Variants in MTRF1 observed in about 807,000 individuals in gnomAD.
MTRF1 encodes peptide chain release factor 1, mitochondrial.
MTRF1 carries 51 observed loss-of-function variants against 62.9 expected under a neutral mutation model. The ratio of observed to expected loss-of-function variants is 0.81; its 90% confidence interval spans 0.65 to 1.02. The LOEUF (loss-of-function observed/expected upper bound fraction) is 1.02, where lower values mean the gene tolerates loss of function less well. Among genes scored for constraint, MTRF1 ranks in the 50% least tolerant of loss-of-function variants. The pLI is 0.00. For missense variants in MTRF1, 446 were observed against 530.0 expected, an observed-to-expected ratio of 0.84 and a Z score of 1.56; for synonymous variants, 158 against 181.9, an observed-to-expected ratio of 0.87 and a Z score of 1.06.
At chr13:41,250,812 T>C (rs572774930) in intron 5 of MTRF1, among the ~76,000 whole-genome samples, 41 of 152,334 alleles carry the variant, frequency 2.7e-4, no homozygotes, top group African/African-American at 8.4e-4. Flanking sequence ...ACCTCAAACT[T>C]AATGATTCAA....
chr13:41,232,349 T>A (rs986471125), intron 7 of MTRF1, among the ~76,000 whole-genome samples: 1 of 151,624 alleles, frequency 6.6e-6, no homozygotes, highest in African/African-American at 2.4e-5. Flanking sequence ...ACAGACAATA[T>A]GAGGAAAAAA....
intron 9 of MTRF1, among the ~76,000 whole-genome samples, chr13:41,221,095 G>C (rs1023406602): frequency 6.6e-6 from 1 of 151,878 alleles, no homozygotes; most frequent in African/African-American, 2.4e-5. Context: ...TGTTGCCCTG[G>C]GGTTAAGATC....
upstream of MTRF1, among the ~76,000 whole-genome samples, chr13:41,265,367 G>A (rs1215927280): frequency 6.6e-6 from 1 of 151,298 alleles, no homozygotes; most frequent in Non-Finnish European, 1.5e-5. Flanking sequence ...GTGGCAGTGA[G>A]CCAAGATTGC....
chr13:41,229,254 G>A (rs978952888), intron 7 of MTRF1: 3 of 152,088 alleles, frequency 2.0e-5, no homozygotes, highest in Admixed American at 1.3e-4. Context: ...GTGGTATTTC[G>A]ATACAATGTG....
chr13:41,266,806 C>T (rs999215462), upstream of MTRF1, among the ~76,000 whole-genome samples: 6 of 151,978 alleles, frequency 3.9e-5, no homozygotes, highest in African/African-American at 1.5e-4. Context: ...TCCTGGCTAA[C>T]ACGGTGAAAC....
intron 6 of MTRF1, chr13:41,235,661 A>G (rs757967758): frequency 6.6e-6 from 1 of 152,656 alleles, no homozygotes; most frequent in African/African-American, 2.4e-5. Flanking sequence ...AGCAACCAGA[A>G]GCTGGAAGAT....
chr13:41,217,439 T>C (rs1370099574), intron 9 of MTRF1, among the ~76,000 whole-genome samples: 1 of 152,206 alleles, frequency 6.6e-6, no homozygotes, highest in Admixed American at 6.5e-5. Flanking sequence ...ATAAATCTTC[T>C]GAGATTTGGA....
the MTRF1 span, among the ~76,000 whole-genome samples, chr13:41,274,384 C>T: frequency 6.6e-6 from 1 of 152,098 alleles, no homozygotes; most frequent in Non-Finnish European, 1.5e-5. Context: ...TTTGTTCATA[C>T]TGCTAAAGCA....
intron 3 of MTRF1, among the ~76,000 whole-genome samples, chr13:41,254,140 G>C (rs1026572517): frequency 1.3e-5 from 2 of 152,006 alleles, no homozygotes; most frequent in Non-Finnish European, 2.9e-5. Context: ...TTACACCTTT[G>C]GATTCATTCC....
At chr13:41,272,388 A>C in the MTRF1 span, among the ~76,000 whole-genome samples, 1 of 152,252 alleles carries the variant, frequency 6.6e-6, no homozygotes, top group Non-Finnish European at 1.5e-5. Flanking sequence ...AAGCAAACAT[A>C]GAAACCAAGT....
At chr13:41,241,316 T>C (rs1238473139) in intron 5 of MTRF1, among the ~76,000 whole-genome samples, 2 of 152,204 alleles carry the variant, frequency 1.3e-5, no homozygotes, top group African/African-American at 4.8e-5. Flanking sequence ...AGTGCTGGGA[T>C]TACAAGCGTG....
chr13:41,228,705 CAA>C, intron 7 of MTRF1, among the ~76,000 whole-genome samples: 1 of 152,138 alleles, frequency 6.6e-6, no homozygotes, highest in Non-Finnish European at 1.5e-5. Flanking sequence ...TAAATTTTCC[CAA>C]GAAAGGTAAT....
In MTRF1 at chr13:41,252,739, T is replaced by G; in HGVS notation, c.603A>C (p.Gln201His). 2 of 1,613,508 alleles carry G rather than the reference T, an allele frequency of 1.2e-6. No individual in the cohort carries two copies. The highest frequency in any genetic ancestry group is 1.7e-6 in the Non-Finnish European group (2 of 1,179,742). The change falls in exon 5 of 10, where the codon CAA becomes CAC. Residue 201 changes from glutamine (Q) to histidine (H), a missense_variant. By Grantham distance (24) the Gln-to-His change is conservative. Transcript: ENST00000379480. ...AGRTTGGDIC[Q>H]QFTREIFDMY... is the part of the protein sequence containing the mutation. ...TGTCAAATATTTCTCGGGTAAATTG[T>G]TGGCAGATGTCACCTAAAACAAAAT...
intron 6 of MTRF1, among the ~76,000 whole-genome samples, chr13:41,239,182 C>T (rs550251859): frequency 6.6e-6 from 1 of 151,982 alleles, no homozygotes; most frequent in South Asian, 2.1e-4. Flanking sequence ...AGGAGGATCA[C>T]CTTGAGCCCA....
chr13:41,297,975 A>G, the MTRF1 span, among the ~76,000 whole-genome samples: 2 of 152,240 alleles, frequency 1.3e-5, no homozygotes, highest in African/African-American at 2.4e-5. Flanking sequence ...TTTCAAAAAC[A>G]TTCTTGAACC....
At chr13:41,226,631 G>C in intron 7 of MTRF1, 63 bp from the exon 8 acceptor site, 1 of 1,568,576 alleles carries the variant, frequency 6.4e-7, no homozygotes, top group Non-Finnish European at 8.7e-7. Flanking sequence ...TAGAACCAAG[G>C]AACAGTTAAA....
At chr13:41,295,855 C>T in the MTRF1 span, among the ~76,000 whole-genome samples, 1 of 152,088 alleles carries the variant, frequency 6.6e-6, no homozygotes, top group Non-Finnish European at 1.5e-5. Flanking sequence ...GATCGTAGTT[C>T]ACTATAAAAC....
chr13:41,230,849 A>G (rs1381557990), intron 7 of MTRF1, among the ~76,000 whole-genome samples: 1 of 151,388 alleles, frequency 6.6e-6, no homozygotes, highest in Non-Finnish European at 1.5e-5. Flanking sequence ...CAGCCTCCCC[A>G]GTAGCTGGGA....
upstream of MTRF1, among the ~76,000 whole-genome samples, chr13:41,268,274 A>G (rs1285264952): frequency 6.6e-6 from 1 of 152,204 alleles, no homozygotes; most frequent in Non-Finnish European, 1.5e-5. Flanking sequence ...TAATTTTTAT[A>G]CCAAATAAGC....
Sources: allele counts gnomAD v4.1 joint callset (sites outside exome capture counted in the v4.1 genomes callset), GRCh38; gene constraint gnomAD v4.1.1; transcripts MANE v1.5; gene names NCBI Gene and HGNC (gene_info 2026-07-23, HGNC 2026-07-21).